Variants in KAT6B observed in about 807,000 individuals in gnomAD.
KAT6B encodes the protein lysine acetyltransferase 6B, also known as histone acetyltransferase KAT6B.
A neutral mutation model predicts 187.5 loss-of-function variants in KAT6B; 10 were observed. That is an observed-to-expected ratio of 0.05 (90% confidence interval 0.03 to 0.09). The LOEUF (loss-of-function observed/expected upper bound fraction) is 0.09. Among genes scored for constraint, KAT6B ranks in the 10% least tolerant of loss-of-function variants. The pLI is 1.00. For missense variants in KAT6B, 1,952 were observed against 2,558.9 expected, an observed-to-expected ratio of 0.76 and a Z score of 5.12; for synonymous variants, 861 against 926.8, an observed-to-expected ratio of 0.93 and a Z score of 1.29.
rs375809036 is a variant in KAT6B, at chr10:75,021,301, A to G, written c.3021+16A>G. On this transcript the variant is annotated intron_variant, in intron 15 of 17. Transcript: ENST00000287239. ...TGAGAAAGAGGTAATGATTGTCTTT[A>G]TCATCCTAAGTTGTGTAACTTCAAT... is the stretch of plus-strand genomic sequence containing the variant. 6 of 1,613,120 alleles carry G rather than the reference A, an allele frequency of 3.7e-6. No homozygotes were observed. Among genetic ancestry groups the G allele is most frequent in the Non-Finnish European group, 5.1e-6 (6 of 1,179,240 alleles).
chr10:74,981,933 G>A lies in KAT6B; in HGVS notation c.2373+5G>A, dbSNP rs1261526900. 1 of 1,613,488 alleles carries A rather than the reference G, an allele frequency of 6.2e-7. No homozygotes were observed. The highest frequency in any genetic ancestry group is 1.7e-5 in the Admixed American group (1 of 60,012). On this transcript the variant is annotated splice_donor_5th_base_variant and intron_variant, in intron 11 of 17. Transcript: ENST00000287239. The stretch of plus-strand genomic sequence containing the variant: ...AAAGACCTTTCAGTATTTGAGGTAA[G>A]CGCGTGTAAATAAAAAAATTCAGCT...
At chr10:74,973,892 A>AT (rs780358159) in intron 7 of KAT6B, among the ~76,000 whole-genome samples, 55 of 152,184 alleles carry the variant, frequency 3.6e-4, no homozygotes, top group Non-Finnish European at 6.0e-4. Context: ...AAAAAACCAA[A>AT]TTAGGATATA....
chr10:74,895,053 C>T (rs752454355), intron 3 of KAT6B, among the ~76,000 whole-genome samples: 1 of 140,510 alleles, frequency 7.1e-6, no homozygotes, highest in Non-Finnish European at 1.5e-5. Context: ...ATATCCTTAT[C>T]AACACTTGGT....
chr10:75,013,108 T>C (rs968438266), intron 13 of KAT6B, among the ~76,000 whole-genome samples: 2 of 152,146 alleles, frequency 1.3e-5, no homozygotes, highest in African/African-American at 2.4e-5. Context: ...AGGGTTTCAC[T>C]GGGTCAGGCC....
chr10:74,844,802 A>G (rs74632545), intron 3 of KAT6B, among the ~76,000 whole-genome samples: 3,398 of 152,352 alleles, frequency 0.022, 118 homozygotes, highest in African/African-American at 0.077. Flanking sequence ...AGAGCAGCAG[A>G]AAGTTATTTA....
Position 74,965,870 on chromosome 10 carries a change from C to T in KAT6B, c.731-3790C>T, listed in dbSNP as rs371162242. Among the ~76,000 whole-genome samples, 9 of 151,302 alleles carry T rather than the reference C, an allele frequency of 5.9e-5. No homozygotes were observed. The East Asian group carries it at 9.7e-4, about 16-fold the overall frequency. On this transcript the variant is annotated intron_variant, in intron 4 of 17. Transcript: ENST00000287239. ...CCTCCCGAGTAGCTGGGACTACAGG[C>T]GCCCGCCACCACGCCCGGCCAATTT... is the stretch of plus-strand genomic sequence containing the variant.
intron 15 of KAT6B, 58 bp downstream of exon 15, chr10:75,021,343 G>T: frequency 6.4e-7 from 1 of 1,566,604 alleles, no homozygotes. Flanking sequence ...GCATTCTTAA[G>T]CTAAGAAAGT....
chr10:74,879,441 G>T (rs1276316124), intron 3 of KAT6B, among the ~76,000 whole-genome samples: 2 of 152,180 alleles, frequency 1.3e-5, no homozygotes, highest in Non-Finnish European at 1.5e-5. Flanking sequence ...GGCCTGAAAG[G>T]CAGCTTAATA....
intron 3 of KAT6B, among the ~76,000 whole-genome samples, chr10:74,861,694 G>C (rs1356043176): frequency 6.6e-6 from 1 of 152,168 alleles, no homozygotes; most frequent in Non-Finnish European, 1.5e-5. Context: ...TTAATGAGAA[G>C]GTATTGAAAA....
chr10:74,874,078 GGTAA>G (rs1293930784), intron 3 of KAT6B, among the ~76,000 whole-genome samples: 1 of 152,072 alleles, frequency 6.6e-6, no homozygotes, highest in African/African-American at 2.4e-5. Context: ...TGTGTAAAAG[GGTAA>G]GTAATGTTTC....
At chr10:74,851,929 G>T (rs897611063) in intron 3 of KAT6B, among the ~76,000 whole-genome samples, 108 of 152,132 alleles carry the variant, frequency 7.1e-4, no homozygotes, top group African/African-American at 2.4e-3. Flanking sequence ...CTCCTCTTCA[G>T]TCCCCTTAAC....
intron 6 of KAT6B, among the ~76,000 whole-genome samples, chr10:74,971,993 A>C (rs1001432498): frequency 4.6e-5 from 7 of 152,070 alleles, no homozygotes; most frequent in Admixed American, 3.3e-4. Context: ...CCATTGACCT[A>C]TTTCTCTATG....
chr10:74,909,565 A>G (rs755355249), intron 3 of KAT6B, among the ~76,000 whole-genome samples: 2 of 152,174 alleles, frequency 1.3e-5, no homozygotes, highest in African/African-American at 4.8e-5. Context: ...TCCTTTGTGC[A>G]TAAGCTCCAG....
chr10:74,926,564 G>A (rs767587685), intron 3 of KAT6B, among the ~76,000 whole-genome samples: 1 of 152,174 alleles, frequency 6.6e-6, no homozygotes, highest in African/African-American at 2.4e-5. Flanking sequence ...ATAACCTGAC[G>A]GAGGTCCTTT....
At chr10:74,885,674 T>G (rs1845191144) in intron 3 of KAT6B, among the ~76,000 whole-genome samples, 2 of 152,004 alleles carry the variant, frequency 1.3e-5, no homozygotes, top group African/African-American at 4.8e-5. Flanking sequence ...GAGTGGGACT[T>G]AGGTGAGGCT....
intron 1 of KAT6B, among the ~76,000 whole-genome samples, chr10:74,828,392 A>C (rs1840435863): frequency 6.6e-6 from 1 of 151,972 alleles, no homozygotes; most frequent in Non-Finnish European, 1.5e-5. Flanking sequence ...AGGTGGAAAT[A>C]GCAAATGGAA....
At chr10:74,944,543 G>A (rs1263064871) in intron 3 of KAT6B, among the ~76,000 whole-genome samples, 4 of 152,160 alleles carry the variant, frequency 2.6e-5, no homozygotes, top group Admixed American at 1.3e-4. Flanking sequence ...GGGCGCGGTG[G>A]CTCACGCCTG....
At chr10:74,825,693 T>C (rs1840135794), upstream of KAT6B, 1 of 152,542 alleles carries the variant, frequency 6.6e-6, no homozygotes, top group Admixed American at 6.6e-5. This position sits in a 1 kb window ranked among gnomAD's most constrained non-coding sequence, Gnocchi z 5.0. Flanking sequence ...GGGACCCGGG[T>C]GGCCGGAGGC....
At chr10:74,896,027 T>A (rs946252789) in intron 3 of KAT6B, among the ~76,000 whole-genome samples, 1 of 152,190 alleles carries the variant, frequency 6.6e-6, no homozygotes, top group African/African-American at 2.4e-5. Flanking sequence ...TTCAGACTCC[T>A]TCTTTTTCTT....
Sources: allele counts gnomAD v4.1 joint callset (sites outside exome capture counted in the v4.1 genomes callset), GRCh38; gene constraint gnomAD v4.1.1; non-coding constraint Gnocchi (gnomAD v3.1); transcripts MANE v1.5; gene names NCBI Gene and HGNC (gene_info 2026-07-23, HGNC 2026-07-21).